CDH4: variants seen among roughly 807,000 people sequenced by gnomAD.
The protein encoded by CDH4 is cadherin-4.
CDH4 carries 33 observed loss-of-function variants against 86.0 expected under a neutral mutation model. That is an observed-to-expected ratio of 0.38 (90% CI 0.29 to 0.51). The LOEUF is 0.51. Ranked by LOEUF, CDH4 falls within the 20% of genes least tolerant of loss-of-function variation. CDH4 has a pLI of 0.86. For synonymous variants in CDH4, 555 were observed against 549.4 expected (o/e 1.01, Z -0.14); for missense variants, 1,114 against 1,307.4 (o/e 0.85, Z 2.28).
At position 61,312,936 on chromosome 20, in the gene CDH4, C is replaced by T. The variant is rs956138702; in HGVS notation, c.169+57999C>T. ...GGATTGCAGGGGTGCTCGGCAGGTC[C>T]TCTCCCTCGATCCAAGCTTTCCTAC... On this transcript the variant is annotated intron_variant, in intron 2 of 15. Coordinates refer to ENST00000614565, the MANE Select transcript of CDH4 (RefSeq NM_001794.5). 1.8e-4 allele frequency among the ~76,000 whole-genome samples: 27 copies of T among 152,132 alleles called. 1 individual carries two copies. Among genetic ancestry groups the T allele is most frequent in the Non-Finnish European group, 3.7e-4 (25 of 68,034 alleles).
intron 2 of CDH4, among the ~76,000 whole-genome samples, chr20:61,431,697 T>G (rs1427788988): frequency 6.6e-6 from 1 of 152,130 alleles, no homozygotes; most frequent in East Asian, 1.9e-4. Context: ...AAGTGTACAC[T>G]TTCATGAATT....
rs1171872073 is a variant in CDH4 at position 61,721,495 on chromosome 20, T to G, written c.170-22068T>G. Among the ~76,000 whole-genome samples the G allele has an allele frequency of 2.0e-5, 3 of 152,370 alleles. No homozygotes were observed. In the East Asian group the frequency reaches 5.8e-4, roughly 29 times the overall value. On this transcript the variant is annotated intron_variant, in intron 2 of 15. Transcript: ENST00000614565. The stretch of plus-strand genomic sequence containing the variant: ...GGTTCATTGACCTTTCTGCAAATTA[T>G]AATTTACACCCAAGGGTAAAATGTC...
rs535521929 is a variant in CDH4 at position 61,610,458 on chromosome 20, C to T, written c.170-133105C>T. ...TATTACAAATGCAGCTGCAAAAAAA[C>T]TTGGGAGCGTAGCTATCTCTTCGAG... On this transcript the variant is annotated intron_variant, in intron 2 of 15. Transcript: ENST00000614565. Among the ~76,000 whole-genome samples, 4 of 152,292 alleles carry T rather than the reference C, an allele frequency of 2.6e-5. No individual in the cohort carries two copies. The East Asian group carries it at 7.7e-4, about 29-fold the overall frequency.
chr20:61,740,528 T>C (rs1389767799), intron 2 of CDH4: 2 of 152,228 alleles, frequency 1.3e-5, no homozygotes, highest in Non-Finnish European at 2.9e-5. Context: ...GGAGCAGGTA[T>C]TGAAGGTTCT....
At chr20:61,643,114 C>T (rs1371637383) in intron 2 of CDH4, among the ~76,000 whole-genome samples, 1 of 152,302 alleles carries the variant, frequency 6.6e-6, no homozygotes, top group African/African-American at 2.4e-5. Flanking sequence ...GTTCTGGAGG[C>T]TGTGAAGTCC....
chr20:61,515,757 T>G (rs945657553), intron 2 of CDH4, among the ~76,000 whole-genome samples: 2 of 152,222 alleles, frequency 1.3e-5, no homozygotes, highest in African/African-American at 4.8e-5. Flanking sequence ...TGATGCCCAG[T>G]TACAAATAAA....
rs188570916 is a variant in CDH4, at chr20:61,704,073, G to A, written c.170-39490G>A. ...CTCTTGGCTGAGCCTGGAAGAAGCAGCAGAATTCCCCGTCTTGGGGTCGGG... is the reference window on the plus strand; with the variant it reads ...CTCTTGGCTGAGCCTGGAAGAAGCAACAGAATTCCCCGTCTTGGGGTCGGG... On this transcript the variant is annotated intron_variant, in intron 2 of 15. Coordinates refer to ENST00000614565, the MANE Select transcript of CDH4 (RefSeq NM_001794.5). 3.7e-4 allele frequency among the ~76,000 whole-genome samples: 56 copies of A among 152,124 alleles called. No homozygotes were observed. In the East Asian group the frequency reaches 0.01, roughly 28 times the overall value.
intron 2 of CDH4, among the ~76,000 whole-genome samples, chr20:61,391,143 A>G (rs944848502): frequency 2.0e-5 from 3 of 152,076 alleles, no homozygotes; most frequent in African/African-American, 7.3e-5. Context: ...GCCTCAGAGC[A>G]CTTGGACATT....
chr20:61,544,264 T>C lies in CDH4; in HGVS notation c.170-199299T>C, dbSNP rs1316975654. ...GTGTATGTATATGGCGGGGTACGGC[T>C]GACATCGAGCGGGTGGAGGCTGGGT... On this transcript the variant is annotated intron_variant, in intron 2 of 15. Transcript: ENST00000614565. The surrounding 1 kb of genome is among the most constrained non-coding windows in gnomAD (Gnocchi z 6.5). Among the ~76,000 whole-genome samples, 1 of 152,020 alleles carries C rather than the reference T, an allele frequency of 6.6e-6. No individual in the cohort carries two copies. Among genetic ancestry groups the C allele is most frequent in the African/African-American group, 2.4e-5 (1 of 41,414 alleles).
intron 2 of CDH4, among the ~76,000 whole-genome samples, chr20:61,399,119 C>CTTTTTTTTT (rs926368033): frequency 1.3e-5 from 1 of 77,054 alleles, no homozygotes; most frequent in Non-Finnish European, 2.4e-5. Context: ...GAAAAACCCA[C>CTTTTTTTTT]TTTTTTTTTT....
At chr20:61,365,933 TAAAG>T (rs2084808862) in intron 2 of CDH4, among the ~76,000 whole-genome samples, 1 of 152,142 alleles carries the variant, frequency 6.6e-6, no homozygotes, top group Non-Finnish European at 1.5e-5. Flanking sequence ...ATGCCCTTTC[TAAAG>T]AGGATGCATG....
At chr20:61,768,605 T>C (rs545181337) in intron 3 of CDH4, among the ~76,000 whole-genome samples, 2 of 152,362 alleles carry the variant, frequency 1.3e-5, no homozygotes, top group African/African-American at 4.8e-5. Flanking sequence ...AGTATAATTA[T>C]GCATCAGTGT....
At chr20:61,496,394 C>A (rs575868016) in intron 2 of CDH4, among the ~76,000 whole-genome samples, 162 of 139,518 alleles carry the variant, frequency 1.2e-3, no homozygotes, top group African/African-American at 3.7e-3. Flanking sequence ...AGAGCAATAC[C>A]CTGTCTCAAA....
rs1387576582 is a variant in CDH4 at position 61,565,310 on chromosome 20, G to GTGA, written c.170-178251_170-178250insATG. ...GGTGATGGTGGTGGCGGTGCTCTTG[G>GTGA]TGGTGGCGGTGCTCTTGGTGATGGT... is the stretch of plus-strand genomic sequence containing the variant. On this transcript the variant is annotated intron_variant, in intron 2 of 15. Coordinates refer to ENST00000614565, the MANE Select transcript of CDH4 (RefSeq NM_001794.5). Among the ~76,000 whole-genome samples the GTGA allele has an allele frequency of 3.5e-4, 40 of 114,122 alleles. 6 individuals carry two copies. Among genetic ancestry groups the GTGA allele is most frequent in the Non-Finnish European group, 5.5e-4 (27 of 49,470 alleles). The allele number at this position is 114,122 out of a possible 152,430, so 74.9% of individuals were successfully genotyped here. A position where few individuals can be genotyped will look rare whatever the true frequency, so the allele number is the denominator to read the frequency against.
chr20:61,273,170 G>T (rs112935839), intron 2 of CDH4, among the ~76,000 whole-genome samples: 1 of 113,860 alleles, frequency 8.8e-6, no homozygotes, highest in African/African-American at 3.4e-5. Context: ...AGTATTGGGG[G>T]AGTACCATGT....
At chr20:61,740,145 T>C (rs1400273533) in intron 2 of CDH4, among the ~76,000 whole-genome samples, 3 of 152,222 alleles carry the variant, frequency 2.0e-5, no homozygotes, top group Non-Finnish European at 2.9e-5. Context: ...CTGAGGTTAG[T>C]AAATGTCTCA....
chr20:61,757,241 C>A (rs879706591), intron 3 of CDH4, among the ~76,000 whole-genome samples: 3 of 152,150 alleles, frequency 2.0e-5, no homozygotes, highest in Non-Finnish European at 2.9e-5. Context: ...AGACCCCCCC[C>A]CCAGCCCCCT....
chr20:61,450,949 A>G (rs2085375820), intron 2 of CDH4, among the ~76,000 whole-genome samples: 1 of 151,878 alleles, frequency 6.6e-6, no homozygotes, highest in South Asian at 2.1e-4. Context: ...TCCCTGTGCT[A>G]TCACAGAACA....
chr20:61,719,098 C>G (rs1024176582), intron 2 of CDH4: 1 of 470,994 alleles, frequency 2.1e-6, no homozygotes, highest in Non-Finnish European at 4.4e-6. Context: ...TGATCAAAAT[C>G]GTATCCCAGC....
Sources: gnomAD v4.1 joint callset for allele counts (sites outside exome capture counted in the v4.1 genomes callset) on GRCh38, gnomAD v4.1.1 for gene constraint, Gnocchi (gnomAD v3.1) non-coding constraint, MANE v1.5 for transcripts, NCBI Gene and HGNC (gene_info 2026-07-23, HGNC 2026-07-21) for gene names.